ACCS: variants seen among roughly 807,000 people sequenced by gnomAD.
ACCS encodes 1-aminocyclopropane-1-carboxylate synthase-like protein 1.
A neutral mutation model predicts 59.8 loss-of-function variants in ACCS; 42 were observed. The ratio of observed to expected loss-of-function variants is 0.70; its 90% confidence interval spans 0.55 to 0.91. The LOEUF (loss-of-function observed/expected upper bound fraction) is 0.91, where lower values mean the gene tolerates loss of function less well. Ranked by LOEUF, ACCS falls within the 40% of genes least tolerant of loss-of-function variation. The pLI, the probability that ACCS is intolerant of heterozygous loss-of-function variation, is 0.00. For missense variants in ACCS, 602 were observed against 630.4 expected (o/e 0.95, Z 0.48); for synonymous variants, 230 against 240.3 (o/e 0.96, Z 0.40).
intron 3 of ACCS, chr11:44,071,773 C>G (rs2074040): frequency 0.17 from 26,210 of 156,040 alleles, 2,452 homozygotes; most frequent in East Asian, 0.31. Flanking sequence ...ATATTTTCAC[C>G]ATATAGACAT....
intron 7 of ACCS, 153 bp downstream of exon 7, chr11:44,077,529 G>C: frequency 6.9e-7 from 1 of 1,458,096 alleles, no homozygotes; most frequent in East Asian, 2.5e-5. Context: ...CTGTGCCTGG[G>C]TTCCCCAGTG....
intron 6 of ACCS, chr11:44,075,865 G>T: frequency 2.4e-6 from 1 of 423,956 alleles, no homozygotes; most frequent in Non-Finnish European, 4.3e-6. Flanking sequence ...ACGTGACAGT[G>T]TGTCTTAGAG....
Position 44,083,613 on chromosome 11 carries a change from C to T in ACCS, c.1408+36C>T, listed in dbSNP as rs573975521. The T allele has an allele frequency of 1.9e-6, 3 of 1,614,148 alleles. No homozygotes were observed. The South Asian group carries it at 3.3e-5, about 18-fold the overall frequency. On this transcript the variant is annotated intron_variant, in intron 14 of 14. Coordinates refer to ENST00000263776, the MANE Select transcript of ACCS (RefSeq NM_032592.4). Reference sequence around the variant, plus strand: ...TGCCTTTCCAGCCCAGTCCTAACTGCAGCCTTCACTGTGGCCTCCGCTTGT... The same window carrying T: ...TGCCTTTCCAGCCCAGTCCTAACTGTAGCCTTCACTGTGGCCTCCGCTTGT...
At position 44,083,950 on chromosome 11, in the gene ACCS, T is replaced by C; in HGVS notation, c.*158T>C. The C allele has an allele frequency of 6.9e-7, 1 of 1,441,334 alleles. No individual in the cohort carries two copies. Among genetic ancestry groups the C allele is most frequent in the Non-Finnish European group, 9.1e-7 (1 of 1,094,608 alleles). 89.3% of individuals were successfully genotyped at this position (1,441,334 alleles called of 1,614,324 possible). On this transcript the variant is annotated 3_prime_UTR_variant, in exon 15 of 15. Transcript: ENST00000263776. ...TGTTTCTTGTCTTTCGCTGTAGCAG[T>C]GGGAAACTCCTTAAGCTGTGGTTCA...
intron 3 of ACCS, among the ~76,000 whole-genome samples, chr11:44,073,088 C>T (rs1468486880): frequency 1.3e-5 from 2 of 152,322 alleles, no homozygotes; most frequent in East Asian, 3.9e-4. Context: ...CTCTCAGTAT[C>T]TTCTATCACC....
rs775634394 is a variant in ACCS at position 44,083,489 on chromosome 11, G to A, written c.1320G>A (p.Val440=). ...LLWRRFLDNK[V]LLSFGKAFEC... is the part of the protein sequence containing the mutation. ...GGCGCCGCTTTTTGGACAACAAGGT[G>A]CTGCTGTCCTTTGGCAAGGCCTTCG... Residue 440 remains valine (V), a synonymous_variant, in exon 14 of 15, where the codon GTG becomes GTA. Coordinates refer to ENST00000263776, the MANE Select transcript of ACCS (RefSeq NM_032592.4). 24 of 1,614,106 alleles carry A rather than the reference G, an allele frequency of 1.5e-5. No homozygotes were observed. Among genetic ancestry groups the A allele is most frequent in the Non-Finnish European group, 1.9e-5 (23 of 1,180,040 alleles).
At chr11:44,077,949 C>T in intron 8 of ACCS, 27 bp downstream of exon 8, 2 of 1,610,776 alleles carry the variant, frequency 1.2e-6, no homozygotes, top group Non-Finnish European at 1.7e-6. Flanking sequence ...AAACCTGAGG[C>T]TGGGTGTGGG....
chr11:44,078,308 G>A (rs178525), intron 8 of ACCS: 229,138 of 308,118 alleles, frequency 0.74, 86,061 homozygotes, highest in East Asian at 0.91. Context: ...ACTCCCAAAG[G>A]AGAGCAGAGA....
intron 4 of ACCS, 139 bp downstream of exon 4, chr11:44,073,656 T>C: frequency 3.7e-6 from 3 of 801,334 alleles, no homozygotes; most frequent in South Asian, 1.7e-5. Flanking sequence ...CCTAAAGTTC[T>C]ACAATGTACA....
chr11:44,077,007 A>G (rs557500263), intron 6 of ACCS, among the ~76,000 whole-genome samples: 166 of 152,274 alleles, frequency 1.1e-3, no homozygotes, highest in African/African-American at 3.8e-3. Flanking sequence ...CCGTTACTCA[A>G]TTACTTCCCT....
chr11:44,083,410 T>A lies in ACCS; in HGVS notation c.1255-14T>A, dbSNP rs371740689. 1.7e-5 allele frequency: 28 copies of A among 1,613,970 alleles called. No homozygotes were observed. Among genetic ancestry groups the A allele is most frequent in the Non-Finnish European group, 2.3e-5 (27 of 1,179,962 alleles). On this transcript the variant is annotated splice_polypyrimidine_tract_variant and intron_variant, in intron 13 of 14. Coordinates refer to ENST00000263776, the MANE Select transcript of ACCS (RefSeq NM_032592.4). ...GGGTCTCAGCTATGTCCTGAGCCCC[T>A]TCCACCCTCTCAGTACCTGCCCAAG...
intron 12 of ACCS, among the ~76,000 whole-genome samples, chr11:44,081,586 A>G (rs1025030862): frequency 2.6e-5 from 4 of 152,228 alleles, no homozygotes; most frequent in African/African-American, 7.2e-5. Context: ...ACAGGTTAGT[A>G]TGATTTGTAA....
At chr11:44,070,658 A>G (rs1426155178) in intron 2 of ACCS, among the ~76,000 whole-genome samples, 1 of 152,134 alleles carries the variant, frequency 6.6e-6, no homozygotes, top group Non-Finnish European at 1.5e-5. Context: ...ATCCTATGAC[A>G]ATAAATGCCT....
chr11:44,073,707 C>T (rs898642168), intron 4 of ACCS, among the ~76,000 whole-genome samples, 190 bp downstream of exon 4: 4 of 152,210 alleles, frequency 2.6e-5, no homozygotes, highest in Non-Finnish European at 5.9e-5. Flanking sequence ...CCCCGAACAT[C>T]AGTAGTGGCA....
intron 6 of ACCS, among the ~76,000 whole-genome samples, 170 bp from the exon 7 acceptor site, chr11:44,077,109 A>T (rs1953400435): frequency 6.6e-6 from 1 of 152,206 alleles, no homozygotes; most frequent in South Asian, 2.1e-4. Context: ...TCAGGGGCTG[A>T]TCTCAGTGGA....
intron 3 of ACCS, chr11:44,071,528 C>CT: frequency 1.9e-6 from 1 of 535,292 alleles, no homozygotes; most frequent in South Asian, 2.9e-5. Context: ...TCTGTAGACT[C>CT]TTATTTCACT....
chr11:44,077,548 G>T, intron 7 of ACCS, 172 bp downstream of exon 7: 5 of 1,447,716 alleles, frequency 3.5e-6, no homozygotes, highest in African/African-American at 2.9e-5. Flanking sequence ...TGGCTCCAAA[G>T]TTCCAGTCTC....
intron 2 of ACCS, among the ~76,000 whole-genome samples, chr11:44,068,459 A>G (rs7947088): frequency 0.38 from 57,178 of 151,840 alleles, 11,894 homozygotes; most frequent in African/African-American, 0.56. Flanking sequence ...AAAAAAATTA[A>G]CAGGGTGTGG....
At chr11:44,073,790 G>A (rs779878483) in intron 4 of ACCS, among the ~76,000 whole-genome samples, 5 of 152,318 alleles carry the variant, frequency 3.3e-5, no homozygotes, top group South Asian at 2.1e-4. Context: ...ACAGGAGCTC[G>A]CTAGTCTGGT....
Sources: allele counts gnomAD v4.1 joint callset (sites outside exome capture counted in the v4.1 genomes callset), GRCh38; gene constraint gnomAD v4.1.1; transcripts MANE v1.5; gene names NCBI Gene and HGNC (gene_info 2026-07-23, HGNC 2026-07-21).